The following DENND2D variants were observed in gnomAD, a reference collection of about 807,000 sequenced individuals.
DENND2D encodes the protein DENN domain-containing protein 2D.
DENND2D carries 37 observed loss-of-function variants against 59.8 expected under a neutral mutation model. The observed-to-expected ratio is 0.62, with a 90% CI of 0.48 to 0.81. DENND2D has a LOEUF of 0.81. Among genes scored for constraint, DENND2D ranks in the 40% least tolerant of loss-of-function variants. The pLI, the probability that DENND2D is intolerant of heterozygous loss-of-function variation, is 0.00. For synonymous variants in DENND2D, 219 were observed against 211.3 expected, an observed-to-expected ratio of 1.04 and a Z score of -0.31; for missense variants, 525 against 579.7, an observed-to-expected ratio of 0.91 and a Z score of 0.97.
At chr1:111,194,504 A>G in intron 7 of DENND2D, 74 bp downstream of exon 7, 2 of 1,552,502 alleles carry the variant, frequency 1.3e-6, no homozygotes, top group Non-Finnish European at 1.7e-6. Flanking sequence ...TTTTCCTTGG[A>G]TAACCTCCAG....
At chr1:111,197,629 G>A (rs1658368773) in intron 4 of DENND2D, 3 of 1,359,626 alleles carry the variant, frequency 2.2e-6, no homozygotes. Flanking sequence ...GAGGCTCCAG[G>A]GGCCAAGGTA....
chr1:111,200,292 C>G, intron 1 of DENND2D, 101 bp downstream of exon 1: 1 of 1,486,650 alleles, frequency 6.7e-7, no homozygotes, highest in East Asian at 2.5e-5. Flanking sequence ...ATGTGGAGGC[C>G]GAGATATAAA....
In DENND2D at chr1:111,186,541, A is replaced by G. The variant is rs1352175626; in HGVS notation, c.*1064T>C. On this transcript the variant is annotated 3_prime_UTR_variant, in exon 12 of 12. Transcript: ENST00000357640. Reference sequence around the variant, plus strand: ...TAAAAAAGGTAGAATTTTTGAAGATAAGATTCTTCTAAAAAAGCTTCCCAA... The same window carrying G: ...TAAAAAAGGTAGAATTTTTGAAGATGAGATTCTTCTAAAAAAGCTTCCCAA... Among the ~76,000 whole-genome samples, 2 of 152,188 alleles carry G rather than the reference A, an allele frequency of 1.3e-5. No homozygotes were observed. The highest frequency in any genetic ancestry group is 4.8e-5 in the African/African-American group (2 of 41,454).
chr1:111,202,933 G>A (rs995480451), upstream of DENND2D, among the ~76,000 whole-genome samples: 6 of 151,560 alleles, frequency 4.0e-5, no homozygotes, highest in African/African-American at 9.7e-5. Flanking sequence ...GCAGGGGTGG[G>A]TGGGAACAAC....
At chr1:111,199,821 T>C (rs1231150529) in intron 1 of DENND2D, 23 bp from the exon 2 acceptor site, 3 of 1,606,744 alleles carry the variant, frequency 1.9e-6, no homozygotes, top group Admixed American at 1.7e-5. Context: ...CAGAGCCCAT[T>C]TAGTATAATC....
At chr1:111,193,972 C>T (rs2282248) in intron 7 of DENND2D, among the ~76,000 whole-genome samples, 43,790 of 152,104 alleles carry the variant, frequency 0.29, 6,370 homozygotes, top group East Asian at 0.4. Flanking sequence ...ATTTAATCCT[C>T]ACCACAACCT....
intron 1 of DENND2D, 123 bp from the exon 2 acceptor site, chr1:111,199,921 A>G: frequency 8.1e-7 from 1 of 1,237,396 alleles, no homozygotes; most frequent in Non-Finnish European, 1.1e-6. Context: ...ATACCTGGAT[A>G]CTGGCCAGAA....
At chr1:111,200,756 G>T (rs1658724632), upstream of DENND2D, 3 of 1,211,442 alleles carry the variant, frequency 2.5e-6, no homozygotes, top group Non-Finnish European at 3.1e-6. Context: ...CGAGAGAAAA[G>T]GTCATGAGCA....
intron 7 of DENND2D, among the ~76,000 whole-genome samples, chr1:111,193,459 G>A (rs534507867): frequency 3.6e-4 from 55 of 152,328 alleles, no homozygotes; most frequent in African/African-American, 1.3e-3. Flanking sequence ...TCAAGGCTGG[G>A]AGTGAAAGAG....
Position 111,199,765 on chromosome 1 carries a change from T to C in DENND2D, c.101A>G (p.Lys34Arg), listed in dbSNP as rs764291257. 6 of 1,614,116 alleles carry C rather than the reference T, an allele frequency of 3.7e-6. No individual in the cohort carries two copies. The highest frequency in any genetic ancestry group is 5.1e-6 in the Non-Finnish European group (6 of 1,180,000). ...GTGCTCCTGGGCCCTTTCTGGTTCC[T>C]TTAAAGCTTCCCCTGAATTGTCCTG... ...PPQDNSGEAL[K>R]EPERAQEHSL... The change falls in exon 2 of 12, where the codon AAG becomes AGG. Residue 34 changes from lysine (K) to arginine (R), a missense_variant. Physicochemically the swap from Lys to Arg is conservative, Grantham distance 26 (BLOSUM62 2). This residue lies in a region of DENND2D where 253 missense variants were observed against 246.4 expected (regional missense o/e 1.03). Transcript: ENST00000357640.
chr1:111,195,940 G>A lies in DENND2D; in HGVS notation c.621C>T (p.Ser207=). Residue 207 remains serine (S), a synonymous_variant, in exon 6 of 12, where the codon AGC becomes AGT. Coordinates refer to ENST00000357640, the MANE Select transcript of DENND2D (RefSeq NM_024901.5). ...PAPGKTVTLK[S]FIPDSGTEFI... ...CCTCAGTGCCTGAGTCGGGGATGAA[G>A]CTCTTGAGAGTGACAGTCTTCCCAG... 1.2e-6 allele frequency: 2 copies of A among 1,614,106 alleles called. No individual in the cohort carries two copies. The highest frequency in any genetic ancestry group is 1.7e-6 in the Non-Finnish European group (2 of 1,180,016).
intron 2 of DENND2D, 133 bp from the exon 3 acceptor site, chr1:111,198,875 C>T (rs1327239099): frequency 8.5e-6 from 7 of 819,596 alleles, no homozygotes; most frequent in East Asian, 8.1e-5. Context: ...AGCATAGGGG[C>T]GAAGGGTGCC....
At chr1:111,199,567 C>G in intron 2 of DENND2D, 56 bp downstream of exon 2, 1 of 1,560,110 alleles carries the variant, frequency 6.4e-7, no homozygotes, top group African/African-American at 1.4e-5. Flanking sequence ...CCCACCCCTA[C>G]CACCTTCCAA....
chr1:111,192,503 TAG>T (rs528493560), intron 7 of DENND2D, among the ~76,000 whole-genome samples, 186 bp from the exon 8 acceptor site: 31 of 152,090 alleles, frequency 2.0e-4, no homozygotes, highest in Non-Finnish European at 4.0e-4. Flanking sequence ...GGACAGAAAC[TAG>T]AGAGTCTGAG....
intron 1 of DENND2D, chr1:111,200,061 C>T (rs1658647786): frequency 8.5e-6 from 5 of 587,834 alleles, no homozygotes. Flanking sequence ...GCTGGAGAGG[C>T]CACATGGAGG....
chr1:111,190,170 A>AAAAAAG (rs1657637165), intron 8 of DENND2D, among the ~76,000 whole-genome samples: 1 of 149,742 alleles, frequency 6.7e-6, no homozygotes, highest in East Asian at 1.9e-4. Context: ...TCTCAAAAAA[A>AAAAAAG]AAAAAAAAAA....
chr1:111,204,448 G>T (rs1055520928), upstream of DENND2D: 20 of 1,222,854 alleles, frequency 1.6e-5, no homozygotes, highest in East Asian at 9.6e-5. Context: ...ACTTTCACGC[G>T]GGGGGAGGCC....
chr1:111,200,305 A>G, intron 1 of DENND2D, 88 bp downstream of exon 1: 1 of 1,519,508 alleles, frequency 6.6e-7, no homozygotes, highest in Admixed American at 2.0e-5. Context: ...GATATAAAGG[A>G]AGAGGAGGAA....
chr1:111,192,122 C>A lies in DENND2D; in HGVS notation c.972+18G>T. 6.4e-7 allele frequency: 1 copy of A among 1,564,564 alleles called. No individual in the cohort carries two copies. ...TCTACCTGGCTCCAAATCATGCACTCTTCTTGCCACATCATACCTCTTCCA... is the reference window on the plus strand; with the variant it reads ...TCTACCTGGCTCCAAATCATGCACTATTCTTGCCACATCATACCTCTTCCA... On this transcript the variant is annotated intron_variant, in intron 8 of 11. Transcript: ENST00000357640.
Sources: gnomAD v4.1 joint callset for allele counts (sites outside exome capture counted in the v4.1 genomes callset) on GRCh38, gnomAD v4.1.1 for gene constraint, gnomAD v4.1.1 regional missense constraint, MANE v1.5 for transcripts, NCBI Gene and HGNC (gene_info 2026-07-23, HGNC 2026-07-21) for gene names.